CEP170: variants seen among roughly 807,000 people sequenced by gnomAD.
CEP170 encodes the protein centrosomal protein of 170 kDa.
CEP170 carries 21 observed loss-of-function variants against 151.9 expected under a neutral mutation model. The ratio of observed to expected loss-of-function variants is 0.14; its 90% CI spans 0.10 to 0.20. The LOEUF (loss-of-function observed/expected upper bound fraction) is 0.20, where lower values mean the gene tolerates loss of function less well. CEP170 is among the 10% of genes least tolerant of loss of function. The pLI, the probability that CEP170 is intolerant of heterozygous loss-of-function variation, is 1.00. For missense variants in CEP170, 964 were observed against 1,892.9 expected (o/e 0.51, Z 9.11); for synonymous variants, 356 against 648.8 (o/e 0.55, Z 6.86).
intron 1 of CEP170, among the ~76,000 whole-genome samples, chr1:243,226,915 G>A (rs1205597368): frequency 1.3e-5 from 2 of 152,122 alleles, no homozygotes; most frequent in Non-Finnish European, 2.9e-5. Flanking sequence ...CTTGAACCCG[G>A]GAGGCAGAAG....
At chr1:243,245,744 A>G (rs2149164260) in intron 1 of CEP170, among the ~76,000 whole-genome samples, 1 of 151,438 alleles carries the variant, frequency 6.6e-6, no homozygotes, top group South Asian at 2.1e-4. Context: ...CAAAAAACAA[A>G]AAACAAAAAA....
chr1:243,129,914 A>G (rs564207775), intron 17 of CEP170, among the ~76,000 whole-genome samples: 289 of 152,082 alleles, frequency 1.9e-3, no homozygotes, highest in Non-Finnish European at 2.2e-3. Context: ...TTTACAGTAT[A>G]TTGTTACAAA....
At chr1:243,214,691 A>G (rs1213899366) in intron 3 of CEP170, among the ~76,000 whole-genome samples, 1 of 152,162 alleles carries the variant, frequency 6.6e-6, no homozygotes, top group Non-Finnish European at 1.5e-5. Flanking sequence ...TGGAATCAAC[A>G]TTTATAAGAT....
At chr1:243,242,088 T>C (rs2064902947) in intron 1 of CEP170, among the ~76,000 whole-genome samples, 1 of 151,928 alleles carries the variant, frequency 6.6e-6, no homozygotes, top group South Asian at 2.1e-4. Context: ...TGAAAGCAAA[T>C]GGTTGTCAAA....
In CEP170 at chr1:243,126,135, C is replaced by T. The variant is rs943300507; in HGVS notation, c.*314G>A. On this transcript the variant is annotated 3_prime_UTR_variant, in exon 20 of 20. Transcript: ENST00000366542. ...AGTTTGCTTGTAGGTCACAGCATGG[C>T]TTAAAAAAAAGAAAAAAGATCTATG... is the stretch of plus-strand genomic sequence containing the variant. The T allele has an allele frequency of 2.1e-6, 1 of 471,262 alleles. No individual in the cohort carries two copies. The highest frequency in any genetic ancestry group is 2.0e-5 in the African/African-American group (1 of 50,492). The allele number at this position is 471,262 out of a possible 1,614,324, so 29.2% of individuals were successfully genotyped here.
At chr1:243,186,118 T>C (rs748256158) in intron 9 of CEP170, 46 bp from the exon 10 acceptor site, 1 of 1,613,458 alleles carries the variant, frequency 6.2e-7, no homozygotes, top group South Asian at 1.1e-5. Flanking sequence ...TTGGAGACTT[T>C]GCTTTCTCAA....
At chr1:243,252,780 TA>T (rs2066060245) in intron 1 of CEP170, among the ~76,000 whole-genome samples, 1 of 152,098 alleles carries the variant, frequency 6.6e-6, no homozygotes, top group Non-Finnish European at 1.5e-5. Context: ...AAATTTAAGA[TA>T]AATAATAAAT....
chr1:243,224,801 G>A (rs1156790139), intron 2 of CEP170, among the ~76,000 whole-genome samples: 1 of 152,090 alleles, frequency 6.6e-6, no homozygotes, highest in Non-Finnish European at 1.5e-5. Context: ...CTCCTGGCAG[G>A]TATCATAATG....
At chr1:243,151,141 T>C (rs1473846984) in intron 14 of CEP170, among the ~76,000 whole-genome samples, 2 of 152,256 alleles carry the variant, frequency 1.3e-5, no homozygotes, top group African/African-American at 4.8e-5. Flanking sequence ...CCCTCACGGC[T>C]TCCTGTTTCA....
intron 3 of CEP170, among the ~76,000 whole-genome samples, chr1:243,212,566 A>G (rs1558604050): frequency 6.6e-6 from 1 of 152,188 alleles, no homozygotes; most frequent in African/African-American, 2.4e-5. Context: ...ACTATTTAAT[A>G]TTTACTCATC....
At chr1:243,220,125 C>T (rs191888937) in intron 3 of CEP170, among the ~76,000 whole-genome samples, 67 of 152,284 alleles carry the variant, frequency 4.4e-4, no homozygotes, top group Non-Finnish European at 5.9e-4. Context: ...CCTAAGTAAA[C>T]GGGCCTTTGT....
chr1:243,133,277 G>A (rs2054628417), intron 17 of CEP170, among the ~76,000 whole-genome samples: 1 of 152,132 alleles, frequency 6.6e-6, no homozygotes, highest in African/African-American at 2.4e-5. Flanking sequence ...CTGTTTACCT[G>A]CCTTCTACAC....
At chr1:243,156,758 C>T in intron 13 of CEP170, 1 of 242,432 alleles carries the variant, frequency 4.1e-6, no homozygotes, top group East Asian at 7.7e-5. Flanking sequence ...AAGCTCTATC[C>T]ATCGATGTTT....
intron 10 of CEP170, among the ~76,000 whole-genome samples, chr1:243,179,978 G>A (rs1192394744): frequency 1.3e-5 from 2 of 152,186 alleles, no homozygotes; most frequent in African/African-American, 4.8e-5. Context: ...TTATGAGATG[G>A]GTATAGAGTT....
At chr1:243,150,734 T>C (rs1369824149) in intron 14 of CEP170, among the ~76,000 whole-genome samples, 1 of 152,222 alleles carries the variant, frequency 6.6e-6, no homozygotes, top group Admixed American at 6.5e-5. Context: ...ACTATAATCA[T>C]AAACCACGGT....
chr1:243,218,221 C>T (rs2062482705), intron 3 of CEP170, among the ~76,000 whole-genome samples: 1 of 152,208 alleles, frequency 6.6e-6, no homozygotes, highest in Admixed American at 6.5e-5. Flanking sequence ...CCACACAGGT[C>T]TGATGCTGGC....
intron 8 of CEP170, among the ~76,000 whole-genome samples, chr1:243,187,424 T>C (rs1040594050): frequency 2.0e-5 from 3 of 152,200 alleles, no homozygotes; most frequent in Non-Finnish European, 4.4e-5. Flanking sequence ...CATGAAATTA[T>C]TAGAAAGTCA....
chr1:243,172,732 T>G lies in CEP170; in HGVS notation c.1681A>C (p.Lys561Gln). The stretch of plus-strand genomic sequence containing the variant: ...TGAAATCCAGATGTAGTCAGTGGTT[T>G]TCTTTCTTCCATTACTGCTGCAGCA... ...SSAAAVMEER[K>Q]PLTTSGFHHS... The change falls in exon 11 of 20, where the codon AAA (lysine) becomes CAA (glutamine). Residue 561 changes from lysine (K) to glutamine (Q), a missense_variant. Transcript: ENST00000366542. 6.3e-7 allele frequency: 1 copy of G among 1,588,000 alleles called. No individual in the cohort carries two copies. The highest frequency in any genetic ancestry group is 8.6e-7 in the Non-Finnish European group (1 of 1,166,406).
At chr1:243,181,874 C>G (rs2059638618) in intron 10 of CEP170, among the ~76,000 whole-genome samples, 1 of 152,110 alleles carries the variant, frequency 6.6e-6, no homozygotes, top group Admixed American at 6.5e-5. Flanking sequence ...GTTGGTGTTG[C>G]TGAGATTTTC....
Sources: gnomAD v4.1 joint callset for allele counts (sites outside exome capture counted in the v4.1 genomes callset) on GRCh38, gnomAD v4.1.1 for gene constraint, MANE v1.5 for transcripts, NCBI Gene and HGNC (gene_info 2026-07-23, HGNC 2026-07-21) for gene names.